Variants in TFR2 observed in about 807,000 individuals in gnomAD.
TFR2 encodes transferrin receptor 2, also known as transferrin receptor protein 2.
In TFR2, 64 loss-of-function variants were observed where a neutral mutation model predicts 91.9. The ratio of observed to expected loss-of-function variants is 0.70; its 90% CI spans 0.57 to 0.86. The LOEUF is 0.86. Among genes scored for constraint, TFR2 ranks in the 40% least tolerant of loss-of-function variants. TFR2 has a pLI of 0.00. For synonymous variants in TFR2, 454 were observed against 459.6 expected (o/e 0.99, Z 0.15); for missense variants, 950 against 1,080.5 (o/e 0.88, Z 1.69).
chr7:100,637,422 AAAAC>A (rs1462834192), intron 3 of TFR2, among the ~76,000 whole-genome samples: 1 of 151,582 alleles, frequency 6.6e-6, no homozygotes, highest in Non-Finnish European at 1.5e-5. Context: ...AAAAAAACAA[AAAAC>A]AAACAAAAAA....
intron 1 of TFR2, 73 bp from the exon 2 acceptor site, chr7:100,641,301 G>A: frequency 6.9e-7 from 1 of 1,455,856 alleles, no homozygotes; most frequent in Non-Finnish European, 9.2e-7. Context: ...CAATAATGAG[G>A]TCAGTGACTT....
Position 100,633,499 on chromosome 7 carries a change from C to T in TFR2, c.531G>A (p.Gln177=). 1.2e-6 allele frequency: 2 copies of T among 1,611,454 alleles called. No individual in the cohort carries two copies. The highest frequency in any genetic ancestry group is 1.7e-6 in the Non-Finnish European group (2 of 1,179,874). ...GGCGGGAGAGCGCCGCGCGAATGTC[C>T]TGAGTCAGAGCGGCCATCCCGGCCG... The part of the protein sequence containing the change: ...AGSAGMAALT[Q]DIRAALSRQK... Residue 177 remains glutamine, a synonymous_variant, in exon 4 of 18, where the codon CAG becomes CAA. Transcript: ENST00000223051.
chr7:100,628,301 G>A lies in TFR2; in HGVS notation c.1396C>T (p.Arg466Trp), dbSNP rs1408586157. 7.4e-6 allele frequency: 12 copies of A among 1,613,864 alleles called. No individual in the cohort carries two copies. Among genetic ancestry groups the A allele is most frequent in the African/African-American group, 1.3e-5 (1 of 74,916 alleles). The change falls in exon 11 of 18, where the codon CGG (arginine) becomes TGG (tryptophan). Residue 466 changes from arginine (R) to tryptophan (W), a missense_variant. Transcript: ENST00000223051. Reference protein sequence around the residue: ...TFSSMVSNGFRPRRSLLFISW... With the variant: ...TFSSMVSNGFWPRRSLLFISW... ...ATGAAGAGGAGACTTCTGCGGGGCCGGAAGCCTGGGGACAGAGGGGAAGGA... is the reference window on the plus strand; with the variant it reads ...ATGAAGAGGAGACTTCTGCGGGGCCAGAAGCCTGGGGACAGAGGGGAAGGA...
At position 100,633,150 on chromosome 7, in the gene TFR2, G is replaced by C. The variant is rs769019484; in HGVS notation, c.727-27C>G. 2.5e-6 allele frequency: 4 copies of C among 1,613,024 alleles called. No individual in the cohort carries two copies. In the South Asian group the frequency reaches 3.3e-5, roughly 13 times the overall value. ...TGGGGACACGAGGACGGTGAGGCGC[G>C]CTCCCCGCGTCCCTCCTTCGAGACC... On this transcript the variant is annotated intron_variant, in intron 5 of 17. Transcript: ENST00000223051.
In TFR2 at chr7:100,629,343, C is replaced by A. The variant is rs887907860; in HGVS notation, c.1300G>T (p.Asp434Tyr). ...TTAGCTGCTCCTGGGCCCCATGCAT[C>A]CCTCTGGGCCCCGATGACAACGTAG... ...DHYVVIGAQR[D>Y]AWGPGAAKSA... Residue 434 changes from aspartate (D) to tyrosine (Y), a missense_variant, in exon 10 of 18, where the codon GAT (aspartate) becomes TAT (tyrosine). Coordinates refer to ENST00000223051, the MANE Select transcript of TFR2 (RefSeq NM_003227.4). 6.2e-7 allele frequency: 1 copy of A among 1,614,072 alleles called. No homozygotes were observed. Among genetic ancestry groups the A allele is most frequent in the Non-Finnish European group, 8.5e-7 (1 of 1,179,966 alleles).
At chr7:100,628,430 C>T in intron 10 of TFR2, 124 bp from the exon 11 acceptor site, 1 of 945,428 alleles carries the variant, frequency 1.1e-6, no homozygotes, top group East Asian at 2.6e-5. Flanking sequence ...GACAGGATCT[C>T]ACTCTCTCGC....
In TFR2 at chr7:100,620,649, G is replaced by T; in HGVS notation, c.*208C>A. ...TCTCTGATTAACCGACAGTATGACC[G>T]TCACATTAGGGTCAGCTACACTGCA... On this transcript the variant is annotated 3_prime_UTR_variant, in exon 18 of 18. Coordinates refer to ENST00000223051, the MANE Select transcript of TFR2 (RefSeq NM_003227.4). 1.6e-6 allele frequency: 1 copy of T among 622,062 alleles called. No homozygotes were observed. The highest frequency in any genetic ancestry group is 2.8e-6 in the Non-Finnish European group (1 of 361,282). The allele number at this position is 622,062 out of a possible 1,614,324, so 38.5% of individuals were successfully genotyped here.
chr7:100,634,284 C>G (rs1256598748), intron 3 of TFR2, among the ~76,000 whole-genome samples: 3 of 152,082 alleles, frequency 2.0e-5, no homozygotes, highest in African/African-American at 7.2e-5. Context: ...TCATCTCCCC[C>G]ATCCTCCACG....
chr7:100,640,549 G>A (rs1375457987), intron 3 of TFR2, 137 bp downstream of exon 3: 1 of 962,152 alleles, frequency 1.0e-6, no homozygotes, highest in Non-Finnish European at 1.5e-6. Context: ...GCTGAACAGG[G>A]GGGCCAGGAA....
chr7:100,626,524 G>A, intron 17 of TFR2: 1 of 1,373,526 alleles, frequency 7.3e-7, no homozygotes. Flanking sequence ...GCGTAAACCA[G>A]GCGACTGTGG....
At position 100,620,580 on chromosome 7, in the gene TFR2, A is replaced by G; in HGVS notation, c.*277T>C. ...CTCCCAGAGTGGTCTCTAGGTATGGAGGACCCCAGAAAGGGGAAGGGGCTG... is the reference window on the plus strand; with the variant it reads ...CTCCCAGAGTGGTCTCTAGGTATGGGGGACCCCAGAAAGGGGAAGGGGCTG... On this transcript the variant is annotated 3_prime_UTR_variant, in exon 18 of 18. Coordinates refer to ENST00000223051, the MANE Select transcript of TFR2 (RefSeq NM_003227.4). The G allele has an allele frequency of 2.4e-6, 1 of 416,482 alleles. No individual in the cohort carries two copies. Among genetic ancestry groups the G allele is most frequent in the South Asian group, 2.8e-5 (1 of 35,342 alleles). 25.8% of individuals were successfully genotyped at this position (416,482 alleles called of 1,614,324 possible). A position where few individuals can be genotyped will look rare whatever the true frequency, so the allele number is the denominator to read the frequency against.
Position 100,640,852 on chromosome 7 carries a change from C to T in TFR2, c.307G>A (p.Ala103Thr), listed in dbSNP as rs758231756. 46 of 1,613,984 alleles carry T rather than the reference C, an allele frequency of 2.9e-5. No individual in the cohort carries two copies. Among genetic ancestry groups the T allele is most frequent in the East Asian group, 4.5e-5 (2 of 44,888 alleles). ...FTGAFLLGYV[A>T]FRGSCQACGD... Reference sequence around the variant, plus strand: ...CACGCCTGGCAGGACCCTCGGAAGGCGACGTAGCCCAGTAGGAAGGCTGGC... The same window carrying T: ...CACGCCTGGCAGGACCCTCGGAAGGTGACGTAGCCCAGTAGGAAGGCTGGC... The change falls in exon 3 of 18, where the codon GCC becomes ACC. Residue 103 changes from alanine to threonine, a missense_variant. Transcript: ENST00000223051.
intron 17 of TFR2, among the ~76,000 whole-genome samples, chr7:100,622,403 C>T (rs577031247): frequency 4.9e-4 from 75 of 152,300 alleles, no homozygotes; most frequent in African/African-American, 1.6e-3. Flanking sequence ...CAAACCTGGG[C>T]GTTGGGCCCA....
At chr7:100,639,695 A>G (rs1803652060) in intron 3 of TFR2, 1 of 151,394 alleles carries the variant, frequency 6.6e-6, no homozygotes, top group South Asian at 2.1e-4. Context: ...CTGAAAAATT[A>G]CTCCCGTCCC....
In TFR2 at chr7:100,640,724, C is replaced by T; in HGVS notation, c.435G>A (p.Leu145=). The T allele has an allele frequency of 6.2e-7, 1 of 1,613,828 alleles. No individual in the cohort carries two copies. Among genetic ancestry groups the T allele is most frequent in the Non-Finnish European group, 8.5e-7 (1 of 1,179,944 alleles). The part of the protein sequence containing the change: ...LYWSDLQAMF[L]QFLGEGRLED... ...CCAGGCGCCCCTCCCCCAGGAACTG[C>T]AGGAACATGGCCTGGAGGTCGCTCC... The change falls in exon 3 of 18, where the codon CTG becomes CTA. Residue 145 remains leucine, a synonymous_variant. Coordinates refer to ENST00000223051, the MANE Select transcript of TFR2 (RefSeq NM_003227.4).
At chr7:100,625,603 G>C (rs1044696030) in intron 17 of TFR2, among the ~76,000 whole-genome samples, 1 of 151,802 alleles carries the variant, frequency 6.6e-6, no homozygotes, top group African/African-American at 2.4e-5. Flanking sequence ...AGAGGAGAAG[G>C]CCAGGTTCAG....
In TFR2 at chr7:100,626,746, G is replaced by C; in HGVS notation, c.2136+17C>G. ...GGGCGGGACACTGGGGGCGGGGCGAGGAGGGCGGGGCCTCACCCGCATTAT... is the reference window on the plus strand; with the variant it reads ...GGGCGGGACACTGGGGGCGGGGCGACGAGGGCGGGGCCTCACCCGCATTAT... On this transcript the variant is annotated intron_variant, in intron 17 of 17. Transcript: ENST00000223051. 1 of 1,539,900 alleles carries C rather than the reference G, an allele frequency of 6.5e-7. No homozygotes were observed. The highest frequency in any genetic ancestry group is 8.7e-7 in the Non-Finnish European group (1 of 1,146,584).
At chr7:100,629,510 C>A in intron 9 of TFR2, 138 bp from the exon 10 acceptor site, 1 of 1,516,324 alleles carries the variant, frequency 6.6e-7, no homozygotes, top group Middle Eastern at 1.7e-4. Context: ...CTAAAGAGGG[C>A]GCCCCTCCCC....
chr7:100,627,189 A>G, intron 16 of TFR2, 75 bp downstream of exon 16: 1 of 1,463,556 alleles, frequency 6.8e-7, no homozygotes, highest in Non-Finnish European at 9.3e-7. Context: ...GAATGCAGAG[A>G]GAAGGGGCTG....
Sources: gnomAD v4.1 joint callset for allele counts (sites outside exome capture counted in the v4.1 genomes callset) on GRCh38, gnomAD v4.1.1 for gene constraint, MANE v1.5 for transcripts, NCBI Gene and HGNC (gene_info 2026-07-23, HGNC 2026-07-21) for gene names.